KRIT1: variants seen among roughly 807,000 people sequenced by gnomAD.
The protein encoded by KRIT1 is KRIT1 ankyrin repeat containing, also known as krev interaction trapped protein 1.
A neutral mutation model predicts 95.8 loss-of-function variants in KRIT1; 45 were observed. The ratio of observed to expected loss-of-function variants is 0.47; its 90% CI spans 0.37 to 0.60. The LOEUF (loss-of-function observed/expected upper bound fraction) is 0.60, where lower values mean the gene tolerates loss of function less well. Among genes scored for constraint, KRIT1 ranks in the 20% least tolerant of loss-of-function variants. The pLI is 0.00. For missense variants in KRIT1, 788 were observed against 877.5 expected, an observed-to-expected ratio of 0.90 and a Z score of 1.29; for synonymous variants, 282 against 278.8, an observed-to-expected ratio of 1.01 and a Z score of -0.11.
rs955177772 is a variant in KRIT1 at position 92,199,950 on chromosome 7, T to TA, written c.*785dup. The TA allele has an allele frequency of 6.6e-6, 1 of 152,280 alleles. No individual in the cohort carries two copies. Among genetic ancestry groups the TA allele is most frequent in the African/African-American group, 2.4e-5 (1 of 41,428 alleles). The allele number at this position is 152,280 out of a possible 1,614,324, so 9.4% of individuals were successfully genotyped here. ...AGATTTACATTTTAACTAAGACTTT[T>TA]AAAAAAATGTTGAGAAATGTTTATA... On this transcript the variant is annotated 3_prime_UTR_variant, in exon 19 of 19. Transcript: ENST00000394505.
At chr7:92,224,027 C>T (rs1795710256) in intron 12 of KRIT1, among the ~76,000 whole-genome samples, 1 of 152,154 alleles carries the variant, frequency 6.6e-6, no homozygotes. Context: ...ACCTGTACTG[C>T]TTGTCTATTT....
intron 17 of KRIT1, chr7:92,206,938 C>CAAAAAAAAAAAAAAAAAAAAAA (rs199771149): frequency 1.4e-5 from 1 of 73,994 alleles, no homozygotes; most frequent in Non-Finnish European, 3.3e-5. Flanking sequence ...CCCAGGCAGA[C>CAAAAAAAAAAAAAAAAAAAAAA]AAAAAAAAAA....
chr7:92,241,518 G>A (rs1033231234), intron 4 of KRIT1, among the ~76,000 whole-genome samples: 9 of 152,106 alleles, frequency 5.9e-5, no homozygotes, highest in African/African-American at 1.9e-4. Flanking sequence ...CATATTGCTT[G>A]AAATCTGTTG....
At chr7:92,225,050 G>A (rs372337565) in intron 12 of KRIT1, among the ~76,000 whole-genome samples, 10 of 152,062 alleles carry the variant, frequency 6.6e-5, no homozygotes, top group East Asian at 1.9e-4. Context: ...CCAGCTACTC[G>A]GGAGGCTGAG....
chr7:92,200,968 A>C (rs1405643416), intron 18 of KRIT1, among the ~76,000 whole-genome samples, 164 bp from the exon 19 acceptor site: 7 of 152,304 alleles, frequency 4.6e-5, no homozygotes, highest in Admixed American at 2.6e-4. Flanking sequence ...AGGCTTTTTG[A>C]AGTGACTTAA....
upstream of KRIT1, chr7:92,245,968 G>C: frequency 4.1e-6 from 1 of 242,804 alleles, no homozygotes; most frequent in Non-Finnish European, 8.1e-6. Context: ...CGGTGAAAGA[G>C]CTTCCGGGTC....
In KRIT1 at chr7:92,214,773, T is replaced by C. The variant is rs1163525604; in HGVS notation, c.1568A>G (p.Glu523Gly). The change falls in exon 15 of 19, where the codon GAA becomes GGA. Residue 523 changes from glutamate to glycine, a missense_variant. By Grantham distance (98) the Glu-to-Gly change is moderately conservative. Around this residue, in one of 3 missense-constraint regions of KRIT1, gnomAD observed 493 missense variants for 582.3 expected, o/e 0.85. Coordinates refer to ENST00000394505, the MANE Select transcript of KRIT1 (RefSeq NM_194454.3). ...GAGAATAAGAATAGCTAGTGGGTCT[T>C]CAATCTTAAAGGAAAAAGTATAATT... ...RLPLEVEKQI[E>G]DPLAILILFD... 6.3e-7 allele frequency: 1 copy of C among 1,593,836 alleles called. No individual in the cohort carries two copies. The highest frequency in any genetic ancestry group is 8.6e-7 in the Non-Finnish European group (1 of 1,162,062).
At chr7:92,226,233 A>C (rs2131519403) in intron 11 of KRIT1, among the ~76,000 whole-genome samples, 1 of 152,290 alleles carries the variant, frequency 6.6e-6, no homozygotes, top group East Asian at 1.9e-4. Flanking sequence ...GACTGTGGTG[A>C]TATAAATGTA....
At chr7:92,240,898 T>C in intron 5 of KRIT1, 95 bp downstream of exon 5, 2 of 1,010,364 alleles carry the variant, frequency 2.0e-6, no homozygotes, top group South Asian at 1.3e-5. Context: ...TAAAGGAACA[T>C]AAAAAGAAAT....
Position 92,222,852 on chromosome 7 carries a change from A to G in KRIT1, c.1381T>C (p.Phe461Leu). 6.2e-7 allele frequency: 1 copy of G among 1,608,070 alleles called. No homozygotes were observed. The highest frequency in any genetic ancestry group is 8.5e-7 in the Non-Finnish European group (1 of 1,174,658). The change falls in exon 13 of 19, where the codon TTC (phenylalanine) becomes CTC (leucine). Residue 461 changes from phenylalanine to leucine, a missense_variant. By Grantham distance (22) the Phe-to-Leu change is conservative. Transcript: ENST00000394505. ...MRLSQETQQY[F>L]TIWICSENLS... The stretch of plus-strand genomic sequence containing the variant: ...TTTTCTGAACAAATCCATATAGTGA[A>G]ATATTGCTGAGTTTCTTGAGAGAGA...
chr7:92,242,746 A>G (rs558678794), intron 3 of KRIT1, among the ~76,000 whole-genome samples: 157 of 152,260 alleles, frequency 1.0e-3, no homozygotes, highest in Non-Finnish European at 1.9e-3. Context: ...TGGTCAGTTG[A>G]TAAAAGCTTT....
chr7:92,242,739 T>C (rs1799954999), intron 3 of KRIT1, among the ~76,000 whole-genome samples: 1 of 152,224 alleles, frequency 6.6e-6, no homozygotes, highest in Admixed American at 6.5e-5. Context: ...AACTATTTGG[T>C]CAGTTGATAA....
intron 17 of KRIT1, among the ~76,000 whole-genome samples, chr7:92,205,162 C>A (rs1033250368): frequency 6.6e-6 from 1 of 152,246 alleles, no homozygotes; most frequent in African/African-American, 2.4e-5. Flanking sequence ...GCCTGACCAA[C>A]ATGGAGAAAC....
chr7:92,217,127 T>C (rs1029119042), intron 14 of KRIT1, among the ~76,000 whole-genome samples: 1 of 152,228 alleles, frequency 6.6e-6, no homozygotes, highest in East Asian at 1.9e-4. Context: ...TTATGCAATT[T>C]ATTTATCACC....
At chr7:92,204,264 GAAA>G (rs763023957) in intron 17 of KRIT1, among the ~76,000 whole-genome samples, 2 of 134,756 alleles carry the variant, frequency 1.5e-5, no homozygotes, top group Admixed American at 7.4e-5. Context: ...GTGTCCCAAG[GAAA>G]AAAAAAAAAG....
chr7:92,201,331 C>G lies in KRIT1; in HGVS notation c.2118G>C (p.Met706Ile). 1 of 1,535,616 alleles carries G rather than the reference C, an allele frequency of 6.5e-7. No homozygotes were observed. Among genetic ancestry groups the G allele is most frequent in the Non-Finnish European group, 9.0e-7 (1 of 1,108,826 alleles). ...CCTGTTTTGTATGTACTATAAAGCTCATTTTATTTTCCATGCTATGGATCT... is the reference window on the plus strand; with the variant it reads ...CCTGTTTTGTATGTACTATAAAGCTGATTTTATTTTCCATGCTATGGATCT... ...CFQIHSMENK[M>I]SFIVHTKQAG... The change falls in exon 18 of 19, where the codon ATG becomes ATC. Residue 706 changes from methionine to isoleucine, a missense_variant. Met to Ile is a conservative substitution (Grantham distance 10). Coordinates refer to ENST00000394505, the MANE Select transcript of KRIT1 (RefSeq NM_194454.3).
Position 92,213,185 on chromosome 7 carries a change from G to T in KRIT1, c.2025+10C>A. ...ATGACATGATTGGTAAAAAAGAGCT[G>T]AAAATCTACCTTAGTTTCCATGTTG... On this transcript the variant is annotated intron_variant, in intron 17 of 18. Coordinates refer to ENST00000394505, the MANE Select transcript of KRIT1 (RefSeq NM_194454.3). 6.3e-7 allele frequency: 1 copy of T among 1,583,502 alleles called. No homozygotes were observed. The highest frequency in any genetic ancestry group is 8.7e-7 in the Non-Finnish European group (1 of 1,152,750).
chr7:92,226,109 T>C (rs1302092390), intron 11 of KRIT1, among the ~76,000 whole-genome samples: 1 of 152,222 alleles, frequency 6.6e-6, no homozygotes. Flanking sequence ...GATATTCCTT[T>C]TTATGAATTT....
chr7:92,219,810 A>G (rs375061865), intron 14 of KRIT1, among the ~76,000 whole-genome samples: 2 of 152,134 alleles, frequency 1.3e-5, no homozygotes, highest in African/African-American at 2.4e-5. Flanking sequence ...ATTTTTCAGC[A>G]ATGTTTTATA....
Sources: gnomAD v4.1 joint callset for allele counts (sites outside exome capture counted in the v4.1 genomes callset) on GRCh38, gnomAD v4.1.1 for gene constraint, gnomAD v4.1.1 regional missense constraint, MANE v1.5 for transcripts, NCBI Gene and HGNC (gene_info 2026-07-23, HGNC 2026-07-21) for gene names.